The following DLGAP2 variants were observed in gnomAD, a reference collection of about 807,000 sequenced individuals.
DLGAP2 encodes the protein disks large-associated protein 2.
Under a neutral mutation model 100.3 loss-of-function variants are expected in DLGAP2, and 26 were observed. That is an observed-to-expected ratio of 0.26 (90% CI 0.19 to 0.36). DLGAP2 has a LOEUF of 0.36. Among genes scored for constraint, DLGAP2 ranks in the 10% least tolerant of loss-of-function variants. The pLI is 1.00. For missense variants in DLGAP2, 1,858 were observed against 1,453.2 expected (o/e 1.28, Z -4.53); for synonymous variants, 886 against 630.1 (o/e 1.41, Z -6.08).
intron 6 of DLGAP2, among the ~76,000 whole-genome samples, chr8:1,604,327 A>C (rs1242581908): frequency 2.0e-5 from 3 of 152,188 alleles, no homozygotes; most frequent in Non-Finnish European, 2.9e-5. Flanking sequence ...TTGCAAATGA[A>C]ATGGACAAAA....
intron 1 of DLGAP2, among the ~76,000 whole-genome samples, chr8:765,726 C>G (rs1236518404): frequency 6.6e-6 from 1 of 152,168 alleles, no homozygotes; most frequent in African/African-American, 2.4e-5. Flanking sequence ...CACCTCGTTG[C>G]TCTGCCGTCC....
intron 2 of DLGAP2, among the ~76,000 whole-genome samples, chr8:1,090,989 C>G (rs1804161628): frequency 6.6e-6 from 1 of 152,122 alleles, no homozygotes; most frequent in Non-Finnish European, 1.5e-5. Flanking sequence ...GAATTCTAAC[C>G]TCATCAGAAC....
intron 2 of DLGAP2, among the ~76,000 whole-genome samples, chr8:1,241,557 C>T (rs1157162002): frequency 6.6e-6 from 1 of 152,214 alleles, no homozygotes; most frequent in Non-Finnish European, 1.5e-5. Flanking sequence ...CCATGGGGGC[C>T]TTTGATCCAG....
intron 1 of DLGAP2, among the ~76,000 whole-genome samples, chr8:825,919 TC>T (rs1160969461): frequency 5.9e-5 from 9 of 152,374 alleles, no homozygotes; most frequent in African/African-American, 1.9e-4. Flanking sequence ...TGATGTGGCA[TC>T]AAATACTAGA....
At chr8:1,186,200 C>T (rs964769081) in intron 2 of DLGAP2, among the ~76,000 whole-genome samples, 8 of 152,188 alleles carry the variant, frequency 5.3e-5, no homozygotes, top group African/African-American at 1.2e-4. Flanking sequence ...TCGGTGGCAC[C>T]GAGGGCAGCG....
intron 1 of DLGAP2, among the ~76,000 whole-genome samples, chr8:756,806 C>T (rs889530852): frequency 6.6e-6 from 1 of 152,182 alleles, no homozygotes; most frequent in African/African-American, 2.4e-5. Context: ...CTCCCGCCTC[C>T]GGTCTCTCTC....
chr8:1,333,615 C>G (rs1801207363), intron 3 of DLGAP2, among the ~76,000 whole-genome samples: 1 of 152,194 alleles, frequency 6.6e-6, no homozygotes, highest in Admixed American at 6.5e-5. Flanking sequence ...TCATAATAGG[C>G]AGCGACTGTG....
In DLGAP2 at chr8:1,385,635, A is replaced by G. The variant is rs58607453; in HGVS notation, c.107-115731A>G. Among the ~76,000 whole-genome samples, 28 of 47,884 alleles carry G rather than the reference A, an allele frequency of 5.8e-4. 1 individual carries two copies. The highest frequency in any genetic ancestry group is 1.1e-3 in the African/African-American group (15 of 13,576). The allele number at this position is 47,884 out of a possible 152,430, so 31.4% of individuals were successfully genotyped here. On this transcript the variant is annotated intron_variant, in intron 3 of 14. Coordinates refer to ENST00000637795, the MANE Select transcript of DLGAP2 (RefSeq NM_001346810.2). Reference sequence around the variant, plus strand: ...TGCACAGTTACCCCGGCCTATGCCCATCCCCTGAGAACTTGGTGCACAGTT... The same window carrying G: ...TGCACAGTTACCCCGGCCTATGCCCGTCCCCTGAGAACTTGGTGCACAGTT...
chr8:865,839 C>G (rs1563070501), intron 1 of DLGAP2, among the ~76,000 whole-genome samples: 1 of 152,270 alleles, frequency 6.6e-6, no homozygotes, highest in Admixed American at 6.5e-5. Flanking sequence ...GAGCTTGCCC[C>G]CTCAGAGAGA....
chr8:1,140,320 C>G (rs1333571847), intron 2 of DLGAP2, among the ~76,000 whole-genome samples: 1 of 140,822 alleles, frequency 7.1e-6, no homozygotes, highest in East Asian at 2.4e-4. Context: ...CGCCTTCCCT[C>G]TGGCCTCCCT....
chr8:777,155 A>G (rs564047194), intron 1 of DLGAP2, among the ~76,000 whole-genome samples: 3 of 152,060 alleles, frequency 2.0e-5, no homozygotes, highest in East Asian at 1.9e-4. Flanking sequence ...CTGCTTTATC[A>G]GAGACTAGGA....
At chr8:1,301,197 G>C (rs915798006) in intron 3 of DLGAP2, 1 of 152,362 alleles carries the variant, frequency 6.6e-6, no homozygotes, top group Non-Finnish European at 1.5e-5. Context: ...CTCTGAGTTT[G>C]AGGTCCTTCT....
chr8:1,624,408 C>T (rs1585007587), intron 6 of DLGAP2, among the ~76,000 whole-genome samples: 1 of 151,960 alleles, frequency 6.6e-6, no homozygotes, highest in East Asian at 1.9e-4. Flanking sequence ...CTCCATAGCT[C>T]GGGGCTTCGT....
At chr8:1,178,661 C>T (rs903719922) in intron 2 of DLGAP2, among the ~76,000 whole-genome samples, 2 of 152,130 alleles carry the variant, frequency 1.3e-5, no homozygotes, top group Non-Finnish European at 2.9e-5. Flanking sequence ...CTCTCAAACC[C>T]ACCTTGAATG....
intron 4 of DLGAP2, among the ~76,000 whole-genome samples, chr8:1,533,817 C>T (rs2130463752): frequency 6.6e-6 from 1 of 152,232 alleles, no homozygotes; most frequent in South Asian, 2.1e-4. Flanking sequence ...AATAGCCTGG[C>T]ACAGCGGCCT....
intron 3 of DLGAP2, among the ~76,000 whole-genome samples, chr8:1,413,086 G>C (rs148221245): frequency 6.6e-6 from 1 of 152,206 alleles, no homozygotes; most frequent in African/African-American, 2.4e-5. Context: ...TACCTCCTCA[G>C]TTCTCCTAGT....
chr8:1,683,831 C>T, intron 12 of DLGAP2, among the ~76,000 whole-genome samples: 1 of 71,182 alleles, frequency 1.4e-5, no homozygotes, highest in East Asian at 4.4e-4. Flanking sequence ...TGTCTTTGCT[C>T]CACTATATAT....
At chr8:975,234 A>G (rs1013967126) in intron 2 of DLGAP2, among the ~76,000 whole-genome samples, 9 of 152,234 alleles carry the variant, frequency 5.9e-5, no homozygotes, top group Non-Finnish European at 1.0e-4. Context: ...TATTAAAGAA[A>G]TTTAACAAAT....
In DLGAP2 at chr8:1,090,174, A is replaced by T. The variant is rs1217626453; in HGVS notation, c.74-168677A>T. On this transcript the variant is annotated intron_variant, in intron 2 of 14. Transcript: ENST00000637795. ...CCCTCCTGGCCAGACAGGGGTGGAAACTCATACCCCGAGGACCTGCTGCCT... is the reference window on the plus strand; with the variant it reads ...CCCTCCTGGCCAGACAGGGGTGGAATCTCATACCCCGAGGACCTGCTGCCT... Among the ~76,000 whole-genome samples, 2 of 140,880 alleles carry T rather than the reference A, an allele frequency of 1.4e-5. 1 individual carries two copies. The highest frequency in any genetic ancestry group is 3.1e-5 in the Non-Finnish European group (2 of 64,768). The allele number at this position is 140,880 out of a possible 152,430, so 92.4% of individuals were successfully genotyped here.
Sources: allele counts gnomAD v4.1 joint callset (sites outside exome capture counted in the v4.1 genomes callset), GRCh38; gene constraint gnomAD v4.1.1; transcripts MANE v1.5; gene names NCBI Gene and HGNC (gene_info 2026-07-23, HGNC 2026-07-21).